Variants in BCKDHB observed in about 807,000 individuals in gnomAD.
BCKDHB encodes branched chain keto acid dehydrogenase E1 subunit beta, also known as 2-oxoisovalerate dehydrogenase subunit beta, mitochondrial.
In BCKDHB, 41 loss-of-function variants were observed where a neutral mutation model predicts 48.5. The observed-to-expected ratio is 0.85, with a 90% CI of 0.66 to 1.10. BCKDHB has a LOEUF of 1.10. Among genes scored for constraint, BCKDHB ranks in the 50% least tolerant of loss-of-function variants. The pLI is 0.00. For missense variants in BCKDHB, 496 were observed against 494.2 expected (o/e 1.00, Z -0.03); for synonymous variants, 201 against 174.8 (o/e 1.15, Z -1.18).
chr6:80,199,615 A>G (rs963712527), intron 6 of BCKDHB, among the ~76,000 whole-genome samples: 4 of 148,870 alleles, frequency 2.7e-5, no homozygotes, highest in African/African-American at 1.0e-4. Context: ...TGTTTCTATT[A>G]AAATTACAAA....
the BCKDHB span, chr6:80,356,897 C>T: frequency 6.6e-6 from 1 of 151,444 alleles, no homozygotes; most frequent in Non-Finnish European, 1.5e-5. Flanking sequence ...CTCCTTCTGC[C>T]TCTGCCTCTT....
chr6:80,124,838 C>A (rs1205119423), intron 1 of BCKDHB, among the ~76,000 whole-genome samples: 1 of 152,070 alleles, frequency 6.6e-6, no homozygotes, highest in Admixed American at 6.6e-5. Flanking sequence ...TGCTATCATT[C>A]AGGGTTTGTT....
the BCKDHB span, among the ~76,000 whole-genome samples, chr6:80,409,831 T>G: frequency 6.6e-6 from 1 of 151,730 alleles, no homozygotes; most frequent in African/African-American, 2.4e-5. Flanking sequence ...GCACATGAAA[T>G]GGGTCTCCTG....
chr6:80,349,357 C>T (rs761115950), downstream of BCKDHB, among the ~76,000 whole-genome samples: 9 of 151,968 alleles, frequency 5.9e-5, no homozygotes, highest in Non-Finnish European at 1.2e-4. Flanking sequence ...GGCCGGGCAC[C>T]GGGCTAGATT....
At chr6:80,422,606 C>T in the BCKDHB span, among the ~76,000 whole-genome samples, 16 of 152,254 alleles carry the variant, frequency 1.1e-4, no homozygotes, top group African/African-American at 3.1e-4. Context: ...GTGCAGCTGC[C>T]CAAGGCCTTA....
At chr6:80,366,350 A>G in the BCKDHB span, among the ~76,000 whole-genome samples, 5 of 152,326 alleles carry the variant, frequency 3.3e-5, no homozygotes, top group East Asian at 9.6e-4. Context: ...ACTGTATGCC[A>G]CAACTATAAC....
At chr6:80,421,331 C>T in the BCKDHB span, among the ~76,000 whole-genome samples, 2 of 152,142 alleles carry the variant, frequency 1.3e-5, no homozygotes, top group Non-Finnish European at 2.9e-5. Flanking sequence ...AATTAAACCT[C>T]TTTTGTTTAT....
the BCKDHB span, among the ~76,000 whole-genome samples, chr6:80,397,900 AAAC>A: frequency 6.6e-6 from 1 of 152,226 alleles, no homozygotes; most frequent in Non-Finnish European, 1.5e-5. Context: ...ACAAACCAAC[AAAC>A]AACAAACAAA....
Position 80,156,966 on chromosome 6 carries a change from T to C in BCKDHB, c.344-10712T>C, listed in dbSNP as rs558109075. On this transcript the variant is annotated intron_variant, in intron 3 of 9. Transcript: ENST00000320393. Reference sequence around the variant, plus strand: ...GTCTTTTTATCAGGGTAATAAATGCTAAGTTTTGTTTTGTATGTATTAAAA... The same window carrying C: ...GTCTTTTTATCAGGGTAATAAATGCCAAGTTTTGTTTTGTATGTATTAAAA... Among the ~76,000 whole-genome samples, 24 of 152,328 alleles carry C rather than the reference T, an allele frequency of 1.6e-4. 1 individual carries two copies. The South Asian group carries it at 3.7e-3, about 24-fold the overall frequency.
the BCKDHB span, among the ~76,000 whole-genome samples, chr6:80,405,786 T>C: frequency 6.6e-6 from 1 of 152,164 alleles, no homozygotes; most frequent in Non-Finnish European, 1.5e-5. Flanking sequence ...AATTTAATAC[T>C]GATAGCATAT....
intron 6 of BCKDHB, among the ~76,000 whole-genome samples, chr6:80,174,399 C>T (rs1773054659): frequency 1.3e-5 from 2 of 152,022 alleles, no homozygotes; most frequent in Non-Finnish European, 2.9e-5. Flanking sequence ...GGGATTTGTT[C>T]CAGCCCCTCT....
At chr6:80,439,132 C>T in the BCKDHB span, among the ~76,000 whole-genome samples, 4 of 152,314 alleles carry the variant, frequency 2.6e-5, no homozygotes, top group Middle Eastern at 3.4e-3. Context: ...CACATCACTT[C>T]TGCTCACATT....
intron 8 of BCKDHB, among the ~76,000 whole-genome samples, chr6:80,241,773 G>C (rs1285668625): frequency 6.6e-6 from 1 of 152,198 alleles, no homozygotes; most frequent in Non-Finnish European, 1.5e-5. Context: ...CCAGCAGTAT[G>C]TGAGATGTCC....
chr6:80,159,562 A>G (rs1190342937), intron 3 of BCKDHB, among the ~76,000 whole-genome samples: 1 of 152,180 alleles, frequency 6.6e-6, no homozygotes, highest in African/African-American at 2.4e-5. Context: ...AGAGGCAGAA[A>G]TGGTCTTCTG....
chr6:80,403,086 G>A, the BCKDHB span, among the ~76,000 whole-genome samples: 3 of 151,572 alleles, frequency 2.0e-5, no homozygotes, highest in Non-Finnish European at 3.0e-5. Flanking sequence ...TTGCTATTCT[G>A]TATCTTTTGT....
chr6:80,441,680 T>C, the BCKDHB span, among the ~76,000 whole-genome samples: 2 of 152,186 alleles, frequency 1.3e-5, no homozygotes, highest in Admixed American at 1.3e-4. Flanking sequence ...CTCATGTCTT[T>C]CCCATTAATT....
intron 1 of BCKDHB, among the ~76,000 whole-genome samples, chr6:80,111,710 T>C (rs1180486983): frequency 6.6e-6 from 1 of 152,134 alleles, no homozygotes; most frequent in Non-Finnish European, 1.5e-5. Context: ...AATAAAAGCC[T>C]TCCACTAGAA....
intron 6 of BCKDHB, among the ~76,000 whole-genome samples, chr6:80,174,646 A>G (rs535610551): frequency 1.1e-4 from 17 of 152,298 alleles, no homozygotes; most frequent in African/African-American, 4.1e-4. Flanking sequence ...ATAAGTAAGG[A>G]TACAAAAAGA....
Position 80,203,117 on chromosome 6 carries a change from G to C in BCKDHB, c.856G>C (p.Glu286Gln). 1 of 1,612,058 alleles carries C rather than the reference G, an allele frequency of 6.2e-7. No homozygotes were observed. The highest frequency in any genetic ancestry group is 8.5e-7 in the Non-Finnish European group (1 of 1,178,378). The change falls in exon 8 of 10, where the codon GAG becomes CAG. Residue 286 changes from glutamate (E) to glutamine (Q), a missense_variant. Physicochemically the swap from Glu to Gln is conservative, Grantham distance 29. Coordinates refer to ENST00000320393, the MANE Select transcript of BCKDHB (RefSeq NM_183050.4). ...AWGTQVHVIR[E>Q]VASMAKEKLG... ...TTTATTTCAGGTTCATGTGATCCGA[G>C]AGGTAGCTTCCATGGCAAAAGAAAA...
Sources: gnomAD v4.1 joint callset for allele counts (sites outside exome capture counted in the v4.1 genomes callset) on GRCh38, gnomAD v4.1.1 for gene constraint, MANE v1.5 for transcripts, NCBI Gene and HGNC (gene_info 2026-07-23, HGNC 2026-07-21) for gene names.